AGBL4: variants seen among roughly 807,000 people sequenced by gnomAD.
AGBL4 encodes AGBL carboxypeptidase 4.
In AGBL4, 58 loss-of-function variants were observed where a neutral mutation model predicts 66.4. The ratio of observed to expected loss-of-function variants is 0.87; its 90% CI spans 0.71 to 1.09. The LOEUF is 1.09. AGBL4 is among the 50% of genes least tolerant of loss of function. AGBL4 has a pLI of 0.00. For missense variants in AGBL4, 579 were observed against 631.0 expected, an observed-to-expected ratio of 0.92 and a Z score of 0.88; for synonymous variants, 234 against 222.9, an observed-to-expected ratio of 1.05 and a Z score of -0.44.
At chr1:49,723,050 CTT>C (rs1404327923) in intron 2 of AGBL4, among the ~76,000 whole-genome samples, 2 of 152,088 alleles carry the variant, frequency 1.3e-5, no homozygotes, top group African/African-American at 2.4e-5. Flanking sequence ...GCACATAACT[CTT>C]ATCCTTTTTT....
chr1:49,883,936 A>G (rs1016581894), intron 1 of AGBL4, among the ~76,000 whole-genome samples: 1 of 152,020 alleles, frequency 6.6e-6, no homozygotes, highest in East Asian at 1.9e-4. Context: ...CAGAGAAATA[A>G]TATCTCAATT....
chr1:50,002,497 G>A (rs1474635013), intron 1 of AGBL4, among the ~76,000 whole-genome samples: 1 of 150,214 alleles, frequency 6.7e-6, no homozygotes. Context: ...AGCCTCCCGA[G>A]TAGCTGGGAC....
At chr1:49,928,016 C>T (rs1018110327) in intron 1 of AGBL4, among the ~76,000 whole-genome samples, 4 of 151,774 alleles carry the variant, frequency 2.6e-5, no homozygotes, top group African/African-American at 4.8e-5. Flanking sequence ...TGGGAATGTA[C>T]AAAAGTTCAA....
intron 3 of AGBL4, among the ~76,000 whole-genome samples, chr1:49,407,096 GGAC>G (rs1645219783): frequency 7.2e-6 from 1 of 137,948 alleles, no homozygotes. Flanking sequence ...AAAAAAGAAA[GGAC>G]AAATTTTTTT....
intron 5 of AGBL4, among the ~76,000 whole-genome samples, chr1:49,037,440 T>C (rs1435844309): frequency 1.3e-5 from 2 of 152,058 alleles, no homozygotes; most frequent in African/African-American, 2.4e-5. Context: ...GGTTCCTAGC[T>C]TCCCTCAGGA....
chr1:49,769,919 T>A (rs962290684), intron 2 of AGBL4, among the ~76,000 whole-genome samples: 4 of 152,194 alleles, frequency 2.6e-5, no homozygotes, highest in Non-Finnish European at 1.5e-5. Flanking sequence ...AATTCATGAC[T>A]AATTCATCAA....
rs200458091 is a variant in AGBL4, at chr1:48,909,754, C to T, written c.595-42524G>A. Reference sequence around the variant, plus strand: ...AAATACGTACGAAACATACAGAACACATACCATTCTTTTAGTACATGTAAC... The same window carrying T: ...AAATACGTACGAAACATACAGAACATATACCATTCTTTTAGTACATGTAAC... On this transcript the variant is annotated intron_variant, in intron 5 of 13. Transcript: ENST00000371839. Among the ~76,000 whole-genome samples the T allele has an allele frequency of 5.9e-5, 9 of 152,182 alleles. No homozygotes were observed. The East Asian group carries it at 1.3e-3, about 23-fold the overall frequency.
chr1:49,088,548 C>T (rs979179965), intron 4 of AGBL4, among the ~76,000 whole-genome samples: 1 of 152,052 alleles, frequency 6.6e-6, no homozygotes, highest in Non-Finnish European at 1.5e-5. Flanking sequence ...ACAAGAAGTT[C>T]TAGCTATACT....
At chr1:49,434,321 G>T (rs983078088) in intron 3 of AGBL4, among the ~76,000 whole-genome samples, 2 of 152,100 alleles carry the variant, frequency 1.3e-5, no homozygotes, top group Non-Finnish European at 1.5e-5. Context: ...GGGAGAGGTA[G>T]TAGAAACAGA....
chr1:48,610,197 A>G (rs1645215293), intron 9 of AGBL4, among the ~76,000 whole-genome samples: 1 of 152,258 alleles, frequency 6.6e-6, no homozygotes, highest in Non-Finnish European at 1.5e-5. Flanking sequence ...TTGTACCACA[A>G]TAATCCAATA....
intron 4 of AGBL4, among the ~76,000 whole-genome samples, chr1:49,225,014 G>T (rs897122156): frequency 6.6e-6 from 1 of 152,130 alleles, no homozygotes; most frequent in African/African-American, 2.4e-5. Flanking sequence ...CAGATAGTGG[G>T]AAAGTTATTA....
rs116210776 is a variant in AGBL4, at chr1:48,718,755, G to A, written c.635-55514C>T. Among the ~76,000 whole-genome samples the A allele has an allele frequency of 8.1e-3, 1,237 of 152,216 alleles. 21 individuals carry two copies. The highest frequency in any genetic ancestry group is 0.029 in the African/African-American group (1,189 of 41,540). ...TGGAGGTTGTGGAGTAGGGACCTTT[G>A]CACACATATTATAATTGAGCCTGTA... On this transcript the variant is annotated intron_variant, in intron 6 of 13. Transcript: ENST00000371839.
At chr1:49,193,550 T>C (rs1371233752) in intron 4 of AGBL4, among the ~76,000 whole-genome samples, 5 of 151,424 alleles carry the variant, frequency 3.3e-5, no homozygotes, top group Admixed American at 3.3e-4. Flanking sequence ...TTTTTTGAGA[T>C]GGAGTTTCAC....
At chr1:48,647,594 A>C (rs990237132) in intron 8 of AGBL4, 1 of 453,966 alleles carries the variant, frequency 2.2e-6, no homozygotes, top group Admixed American at 2.4e-5. Flanking sequence ...TGGAATACAC[A>C]ATGACAAGCA....
At chr1:48,874,041 G>C (rs1648967955) in intron 5 of AGBL4, among the ~76,000 whole-genome samples, 1 of 152,038 alleles carries the variant, frequency 6.6e-6, no homozygotes, top group African/African-American at 2.4e-5. Context: ...AGCTATTTGG[G>C]GAAAAGTCAG....
chr1:49,232,220 T>C (rs1253195332), intron 4 of AGBL4, among the ~76,000 whole-genome samples: 8 of 152,186 alleles, frequency 5.3e-5, no homozygotes, highest in Non-Finnish European at 1.2e-4. Context: ...GTGAACTATA[T>C]AGTATATTAA....
At chr1:49,829,852 G>A (rs775505743) in intron 2 of AGBL4, among the ~76,000 whole-genome samples, 10 of 152,218 alleles carry the variant, frequency 6.6e-5, no homozygotes, top group Non-Finnish European at 1.0e-4. Flanking sequence ...CCACTAATGA[G>A]TGAAAATATG....
chr1:49,305,436 C>T (rs6702977), intron 3 of AGBL4, among the ~76,000 whole-genome samples: 78,543 of 151,918 alleles, frequency 0.52, 21,585 homozygotes, highest in Non-Finnish European at 0.62. Flanking sequence ...TCCAAAAACA[C>T]GAGTTTCACA....
At chr1:49,249,900 C>A (rs1190732025) in intron 3 of AGBL4, among the ~76,000 whole-genome samples, 1 of 152,092 alleles carries the variant, frequency 6.6e-6, no homozygotes, top group Non-Finnish European at 1.5e-5. Context: ...ATTCAAAAAA[C>A]AAATTAAATC....
Sources: gnomAD v4.1 joint callset for allele counts (sites outside exome capture counted in the v4.1 genomes callset) on GRCh38, gnomAD v4.1.1 for gene constraint, MANE v1.5 for transcripts, NCBI Gene and HGNC (gene_info 2026-07-23, HGNC 2026-07-21) for gene names.